KCNJ6: variants seen among roughly 807,000 people sequenced by gnomAD.
The protein encoded by KCNJ6 is potassium inwardly rectifying channel subfamily J member 6.
A neutral mutation model predicts 34.2 loss-of-function variants in KCNJ6; 9 were observed. The observed-to-expected ratio is 0.26, with a 90% confidence interval of 0.16 to 0.46. The LOEUF is 0.46. Ranked by LOEUF, KCNJ6 falls within the 20% of genes least tolerant of loss-of-function variation. The pLI is 1.00. For synonymous variants in KCNJ6, 196 were observed against 207.1 expected (o/e 0.95, Z 0.46); for missense variants, 236 against 531.3 (o/e 0.44, Z 5.46).
Position 37,706,148 on chromosome 21 carries a change from T to C in KCNJ6, c.946+8063A>G, listed in dbSNP as rs543787040. Among the ~76,000 whole-genome samples the C allele has an allele frequency of 2.0e-5, 3 of 152,290 alleles. No individual in the cohort carries two copies. In the Middle Eastern group the frequency reaches 0.01, roughly 518 times the overall value. On this transcript the variant is annotated intron_variant, in intron 3 of 3. Coordinates refer to ENST00000609713, the MANE Select transcript of KCNJ6 (RefSeq NM_002240.5). ...ACTCACCTCTTAATGTTTCTATTGATGGGACTACTGTTCGCATAGCCCTGT... is the reference window on the plus strand; with the variant it reads ...ACTCACCTCTTAATGTTTCTATTGACGGGACTACTGTTCGCATAGCCCTGT...
In KCNJ6 at chr21:37,811,569, T is replaced by C. The variant is rs574091933; in HGVS notation, c.25+29089A>G. On this transcript the variant is annotated intron_variant, in intron 2 of 3. Coordinates refer to ENST00000609713, the MANE Select transcript of KCNJ6 (RefSeq NM_002240.5). ...GGATGTGGGAAAGAGCCTGCACATC[T>C]GGTGTCAGAAGTGTTCTGTTTGAGA... Among the ~76,000 whole-genome samples the C allele has an allele frequency of 4.6e-5, 7 of 152,270 alleles. No homozygotes were observed. The South Asian group carries it at 1.5e-3, about 32-fold the overall frequency.
intron 2 of KCNJ6, among the ~76,000 whole-genome samples, chr21:37,819,951 A>ATT (rs35489711): frequency 4.0e-5 from 6 of 151,344 alleles, no homozygotes; most frequent in African/African-American, 7.3e-5. Flanking sequence ...CACCTGGCTA[A>ATT]TTTTTTTTGT....
chr21:37,900,621 A>G (rs2055812306), intron 1 of KCNJ6, among the ~76,000 whole-genome samples: 1 of 152,092 alleles, frequency 6.6e-6, no homozygotes, highest in African/African-American at 2.4e-5. Context: ...AACTTAAAGG[A>G]GGTGGGAATG....
chr21:37,714,275 T>G lies in KCNJ6; in HGVS notation c.882A>C (p.Lys294Asn). 5 of 1,614,206 alleles carry G rather than the reference T, an allele frequency of 3.1e-6. No homozygotes were observed. The highest frequency in any genetic ancestry group is 4.2e-6 in the Non-Finnish European group (5 of 1,180,014). Residue 294 changes from lysine to asparagine, a missense_variant, in exon 3 of 4, where the codon AAA becomes AAC. Lys to Asn is a moderately conservative substitution (Grantham distance 94). Transcript: ENST00000609713. The surrounding 1 kb of genome is among the most constrained non-coding windows in gnomAD (Gnocchi z 5.9). ...NQQSPFWEIS[K>N]AQLPKEELEI... is the part of the protein sequence containing the mutation. ...CCAGTTCCTCTTTGGGCAGCTGGGC[T>G]TTGGAGATCTCCCAGAAAGGACTCT...
chr21:37,644,356 A>G (rs1043654446), intron 3 of KCNJ6, among the ~76,000 whole-genome samples: 4 of 152,234 alleles, frequency 2.6e-5, no homozygotes, highest in Non-Finnish European at 5.9e-5. Context: ...AAACCTGCAC[A>G]TGTACCCCTG....
Position 37,695,255 on chromosome 21 carries a change from A to G in KCNJ6, c.946+18956T>C, listed in dbSNP as rs754131984. ...GAGACCTGGCTTGTTACAGAACTTA[A>G]CAGTGTCCATCCCATAAAAGGAAAT... On this transcript the variant is annotated intron_variant, in intron 3 of 3. Coordinates refer to ENST00000609713, the MANE Select transcript of KCNJ6 (RefSeq NM_002240.5). This position sits in a 1 kb window ranked among gnomAD's most constrained non-coding sequence, Gnocchi z 4.2. Among the ~76,000 whole-genome samples the G allele has an allele frequency of 1.3e-5, 2 of 152,170 alleles. No homozygotes were observed. The highest frequency in any genetic ancestry group is 2.4e-5 in the African/African-American group (1 of 41,446).
At chr21:37,720,997 G>A (rs959487058) in intron 2 of KCNJ6, among the ~76,000 whole-genome samples, 11 of 152,174 alleles carry the variant, frequency 7.2e-5, no homozygotes, top group Admixed American at 2.0e-4. Context: ...GTGAGCCACC[G>A]CGCCCGGCCG....
chr21:37,642,305 AGG>A, intron 3 of KCNJ6, among the ~76,000 whole-genome samples: 1 of 152,246 alleles, frequency 6.6e-6, no homozygotes, highest in East Asian at 1.9e-4. Context: ...GGGCAGGAGA[AGG>A]GGGATGAGCC....
intron 3 of KCNJ6, among the ~76,000 whole-genome samples, chr21:37,630,162 T>TGTGTGTGTGTGTGTGTGTGTGTGTGTGTG (rs748374656): frequency 3.1e-5 from 2 of 64,456 alleles, no homozygotes; most frequent in Non-Finnish European, 6.8e-5. Flanking sequence ...GTGTGTGGTG[T>TGTGTGTGTGTGTGTGTGTGTGTGTGTGTG]TTATGTTCCA....
intron 2 of KCNJ6, among the ~76,000 whole-genome samples, chr21:37,777,134 G>A (rs1472519187): frequency 5.3e-5 from 8 of 152,094 alleles, no homozygotes; most frequent in Admixed American, 1.3e-4. Context: ...GTTTATTTGC[G>A]TAGAGGTGTT....
intron 1 of KCNJ6, among the ~76,000 whole-genome samples, chr21:37,865,789 C>A (rs758591902): frequency 7.2e-5 from 11 of 152,178 alleles, no homozygotes; most frequent in Non-Finnish European, 1.6e-4. Context: ...GACAGATCAT[C>A]TAGATAGAAG....
chr21:37,761,317 G>A (rs901567458), intron 2 of KCNJ6, among the ~76,000 whole-genome samples: 12 of 2,342 alleles, frequency 5.1e-3, no homozygotes, highest in Non-Finnish European at 7.3e-3. Flanking sequence ...TGTGCTGTGT[G>A]TCTTGTGTGT....
chr21:37,706,322 G>GATC (rs2054719387), intron 3 of KCNJ6, among the ~76,000 whole-genome samples: 1 of 152,212 alleles, frequency 6.6e-6, no homozygotes, highest in African/African-American at 2.4e-5. Context: ...AAAACCATGA[G>GATC]GCGATCTGTG....
At chr21:37,753,358 G>A (rs566073329) in intron 2 of KCNJ6, among the ~76,000 whole-genome samples, 3 of 152,306 alleles carry the variant, frequency 2.0e-5, no homozygotes, top group African/African-American at 7.2e-5. Flanking sequence ...AGGCATGTCT[G>A]CGTTTCTTCC....
chr21:37,712,430 T>A (rs2054757853), intron 3 of KCNJ6, among the ~76,000 whole-genome samples: 1 of 151,036 alleles, frequency 6.6e-6, no homozygotes, highest in African/African-American at 2.4e-5. Context: ...TTGAATTATT[T>A]CTCTTTCCTC....
chr21:37,860,713 C>T (rs577975757), intron 1 of KCNJ6, among the ~76,000 whole-genome samples: 1 of 152,246 alleles, frequency 6.6e-6, no homozygotes, highest in Admixed American at 6.5e-5. Flanking sequence ...CCCACTACCC[C>T]CCTGGAGTGG....
chr21:37,761,484 CGT>C (rs913492207), intron 2 of KCNJ6, among the ~76,000 whole-genome samples: 2 of 121,656 alleles, frequency 1.6e-5, no homozygotes, highest in African/African-American at 3.3e-5. Flanking sequence ...TGTATATTTG[CGT>C]GTGTGTTGTG....
chr21:37,892,116 T>C (rs2055765112), intron 1 of KCNJ6, among the ~76,000 whole-genome samples: 1 of 152,214 alleles, frequency 6.6e-6, no homozygotes, highest in South Asian at 2.1e-4. Context: ...GTGGGAGCTT[T>C]TGAAACATAC....
intron 2 of KCNJ6, among the ~76,000 whole-genome samples, chr21:37,738,095 G>A (rs2054922324): frequency 1.3e-5 from 2 of 152,156 alleles, no homozygotes; most frequent in African/African-American, 4.8e-5. Flanking sequence ...GTGAGATTTT[G>A]AGCACTTTTG....
Sources: gnomAD v4.1 joint callset for allele counts (sites outside exome capture counted in the v4.1 genomes callset) on GRCh38, gnomAD v4.1.1 for gene constraint, Gnocchi (gnomAD v3.1) non-coding constraint, MANE v1.5 for transcripts, NCBI Gene and HGNC (gene_info 2026-07-23, HGNC 2026-07-21) for gene names.